Variants in SPTB observed in about 807,000 individuals in gnomAD.
SPTB encodes spectrin beta chain, erythrocytic.
Under a neutral mutation model 256.2 loss-of-function variants are expected in SPTB, and 45 were observed. The observed-to-expected ratio is 0.18, with a 90% CI of 0.14 to 0.23. The LOEUF (loss-of-function observed/expected upper bound fraction) is 0.23, where lower values mean the gene tolerates loss of function less well. Ranked by LOEUF, SPTB falls within the 10% of genes least tolerant of loss-of-function variation. The pLI, the probability that SPTB is intolerant of heterozygous loss-of-function variation, is 1.00. For synonymous variants in SPTB, 1,231 were observed against 1,243.1 expected (o/e 0.99, Z 0.21); for missense variants, 2,715 against 3,040.4 (o/e 0.89, Z 2.52).
chr14:64,765,835 T>TGG (rs1209941205), intron 32 of SPTB, among the ~76,000 whole-genome samples: 3 of 144,336 alleles, frequency 2.1e-5, no homozygotes, highest in Admixed American at 6.8e-5. Context: ...TGTGTGTGTG[T>TGG]GGGGGTGTGG....
intron 19 of SPTB, among the ~76,000 whole-genome samples, chr14:64,783,357 A>T (rs1391749572): frequency 6.6e-6 from 1 of 152,038 alleles, no homozygotes; most frequent in Non-Finnish European, 1.5e-5. Flanking sequence ...GTATGCCACC[A>T]TGCCCAGATA....
In SPTB at chr14:64,774,494, G is replaced by A; in HGVS notation, c.4876C>T (p.His1626Tyr). The A allele has an allele frequency of 6.4e-7, 1 of 1,555,258 alleles. No individual in the cohort carries two copies. Among genetic ancestry groups the A allele is most frequent in the Non-Finnish European group, 8.7e-7 (1 of 1,149,072 alleles). The change falls in exon 24 of 36, where the codon CAT becomes TAT. Residue 1626 changes from histidine to tyrosine, a missense_variant. Physicochemically the swap from His to Tyr is moderately conservative, Grantham distance 83. This residue lies in a region of SPTB where 2,239 missense variants were observed against 2,384.4 expected (regional missense o/e 0.94). Transcript: ENST00000644917. ...TCCACCGCACGCTGCTGCCGCAAAT[G>A]TCGCTTCAGCATCACAATGGCGCCC... is the stretch of plus-strand genomic sequence containing the variant. ...EEGAIVMLKR[H>Y]LRQQRAVEDY...
Position 64,866,312 on chromosome 14 carries a change from C to T in SPTB, c.-52+13480G>A, listed in dbSNP as rs1200620833. Among the ~76,000 whole-genome samples, 1 of 152,150 alleles carries T rather than the reference C, an allele frequency of 6.6e-6. No homozygotes were observed. Among genetic ancestry groups the T allele is most frequent in the Non-Finnish European group, 1.5e-5 (1 of 68,034 alleles). ...TGACTGTTGTCTGCTTATCGCTGGC[C>T]TCAGGACACCCGTAAGAGCTCAATG... is the stretch of plus-strand genomic sequence containing the variant. On this transcript the variant is annotated intron_variant, in intron 1 of 35. Transcript: ENST00000644917. The surrounding 1 kb of genome is among the most constrained non-coding windows in gnomAD (Gnocchi z 4.6).
rs1391267776 is a variant in SPTB, at chr14:64,841,669, C to G, written c.-51-18524G>C. Reference sequence around the variant, plus strand: ...ATAGGAAAGCATTGTGGGTAACGTTCCCAGGACAGACCAGTGGCAGAGTCA... The same window carrying G: ...ATAGGAAAGCATTGTGGGTAACGTTGCCAGGACAGACCAGTGGCAGAGTCA... On this transcript the variant is annotated intron_variant, in intron 1 of 35. Transcript: ENST00000644917. This position sits in a 1 kb window ranked among gnomAD's most constrained non-coding sequence, Gnocchi z 4.6. Among the ~76,000 whole-genome samples, 1 of 152,078 alleles carries G rather than the reference C, an allele frequency of 6.6e-6. No individual in the cohort carries two copies. The highest frequency in any genetic ancestry group is 6.5e-5 in the Admixed American group (1 of 15,272).
intron 9 of SPTB, among the ~76,000 whole-genome samples, chr14:64,799,452 T>TCA (rs1192161609): frequency 2.0e-5 from 3 of 152,210 alleles, no homozygotes; most frequent in Admixed American, 2.0e-4. Flanking sequence ...CCTGGGTTCT[T>TCA]CAAAGAGACT....
chr14:64,822,744 T>C (rs1482873606), intron 2 of SPTB, among the ~76,000 whole-genome samples: 1 of 152,158 alleles, frequency 6.6e-6, no homozygotes, highest in Non-Finnish European at 1.5e-5. Context: ...AGCACCTCCT[T>C]GCTTCTCAGA....
In SPTB at chr14:64,796,865, TA is replaced by T. The variant is rs2082780169; in HGVS notation, c.1183-151del. 2.9e-6 allele frequency: 3 copies of T among 1,026,220 alleles called. No individual in the cohort carries two copies. The highest frequency in any genetic ancestry group is 4.2e-6 in the Non-Finnish European group (3 of 710,174). The allele number at this position is 1,026,220 out of a possible 1,614,324, so 63.6% of individuals were successfully genotyped here. The stretch of plus-strand genomic sequence containing the variant: ...GACGTGGTAGCAGATTAAAGATCAA[TA>T]AAAGCCTTTGGCTTTCATGTCTGGG... On this transcript the variant is annotated intron_variant, in intron 10 of 35. Coordinates refer to ENST00000644917, the MANE Select transcript of SPTB (RefSeq NM_001355436.2). This position sits in a 1 kb window ranked among gnomAD's most constrained non-coding sequence, Gnocchi z 4.1.
At chr14:64,815,494 G>C (rs1462896784) in intron 2 of SPTB, among the ~76,000 whole-genome samples, 3 of 152,144 alleles carry the variant, frequency 2.0e-5, no homozygotes, top group Non-Finnish European at 1.5e-5. Context: ...GTGGGTGAAG[G>C]GTCATGGAGA....
rs2082654462 is a variant in SPTB at position 64,790,731 on chromosome 14, G to A, written c.2804+988C>T. ...GGCACAGGTGTGGGGAAGGGGCTGG[G>A]GTAATGGGGAGGTGGTGAACATGTG... On this transcript the variant is annotated intron_variant, in intron 15 of 35. Coordinates refer to ENST00000644917, the MANE Select transcript of SPTB (RefSeq NM_001355436.2). This position sits in a 1 kb window ranked among gnomAD's most constrained non-coding sequence, Gnocchi z 4.8. Among the ~76,000 whole-genome samples the A allele has an allele frequency of 6.6e-6, 1 of 152,242 alleles. No homozygotes were observed. The highest frequency in any genetic ancestry group is 6.5e-5 in the Admixed American group (1 of 15,286).
chr14:64,798,565 A>G (rs1301316991), intron 9 of SPTB, among the ~76,000 whole-genome samples: 1 of 152,224 alleles, frequency 6.6e-6, no homozygotes, highest in African/African-American at 2.4e-5. Flanking sequence ...AGCTATATGC[A>G]AGGTCCCCAC....
intron 2 of SPTB, among the ~76,000 whole-genome samples, chr14:64,811,633 C>A (rs1024670145): frequency 6.6e-6 from 1 of 152,196 alleles, no homozygotes; most frequent in Non-Finnish European, 1.5e-5. Context: ...CAACCCCCAA[C>A]ATAGATCAGC....
intron 33 of SPTB, among the ~76,000 whole-genome samples, chr14:64,751,053 T>C (rs1380330785): frequency 6.9e-6 from 1 of 143,932 alleles, no homozygotes; most frequent in Non-Finnish European, 1.5e-5. Flanking sequence ...TTATATATTA[T>C]ATAATATATA....
Position 64,800,888 on chromosome 14 carries a change from A to G in SPTB, c.764-20T>C, listed in dbSNP as rs1471411088. The G allele has an allele frequency of 1.9e-6, 3 of 1,591,366 alleles. No individual in the cohort carries two copies. The African/African-American group carries it at 4.0e-5, about 21-fold the overall frequency. On this transcript the variant is annotated intron_variant, in intron 7 of 35. Transcript: ENST00000644917. ...AGACATCTGTTAGGGAAAAGGGTGT[A>G]CTCTCAGGACCAAACTGGAAGTCGG...
In SPTB at chr14:64,794,911, G is replaced by C. The variant is rs115060402; in HGVS notation, c.1645-294C>G. ...TGTGTATTTTCACAAAGCTCCAGGG[G>C]CAGTCTGATGTGTGTCCTCAGCTGA... On this transcript the variant is annotated intron_variant, in intron 12 of 35. Transcript: ENST00000644917. 1.0e-2 allele frequency among the ~76,000 whole-genome samples: 1,519 copies of C among 152,366 alleles called. 24 individuals are homozygous for C. Among genetic ancestry groups the C allele is most frequent in the African/African-American group, 0.035 (1,456 of 41,576 alleles).
chr14:64,765,884 G>A (rs1370559674), intron 32 of SPTB, among the ~76,000 whole-genome samples: 6 of 148,264 alleles, frequency 4.0e-5, no homozygotes, highest in South Asian at 2.2e-4. Flanking sequence ...TGGAGGTTGC[G>A]GTGTGTGCAT....
intron 2 of SPTB, among the ~76,000 whole-genome samples, chr14:64,810,797 T>C (rs908181600): frequency 2.0e-5 from 3 of 150,810 alleles, no homozygotes. Flanking sequence ...AAATAAAAAA[T>C]TGAAAGTTCA....
chr14:64,870,579 T>C (rs1882469925), intron 1 of SPTB, among the ~76,000 whole-genome samples: 1 of 152,228 alleles, frequency 6.6e-6, no homozygotes, highest in Non-Finnish European at 1.5e-5. Context: ...TCAAGAACTT[T>C]GATGACGAAC....
intron 27 of SPTB, among the ~76,000 whole-genome samples, chr14:64,770,681 G>C (rs758811074): frequency 6.6e-6 from 1 of 152,214 alleles, no homozygotes; most frequent in South Asian, 2.1e-4. Context: ...CCTGACTCTG[G>C]AGCGATTGGT....
At position 64,770,972 on chromosome 14, in the gene SPTB, T is replaced by C. The variant is rs745394216; in HGVS notation, c.5711A>G (p.Asp1904Gly). The C allele has an allele frequency of 9.5e-5, 154 of 1,613,982 alleles. No individual in the cohort carries two copies. Among genetic ancestry groups the C allele is most frequent in the Non-Finnish European group, 1.2e-4 (141 of 1,180,022 alleles). ...GRRTQLVDTA[D>G]KFRFFSMARD... is the part of the protein sequence containing the mutation. Reference sequence around the variant, plus strand: ...GGCCATGCTGAAGAAGCGGAATTTATCCGCCGTGTCCACTAGCTGGGTCCG... The same window carrying C: ...GGCCATGCTGAAGAAGCGGAATTTACCCGCCGTGTCCACTAGCTGGGTCCG... Residue 1904 changes from aspartate (D) to glycine (G), a missense_variant, in exon 27 of 36, where the codon GAT (aspartate) becomes GGT (glycine). Asp to Gly is a moderately conservative substitution (Grantham distance 94, BLOSUM62 -1). Transcript: ENST00000644917.
Sources: gnomAD v4.1 joint callset for allele counts (sites outside exome capture counted in the v4.1 genomes callset) on GRCh38, gnomAD v4.1.1 for gene constraint, gnomAD v4.1.1 regional missense constraint, Gnocchi (gnomAD v3.1) non-coding constraint, MANE v1.5 for transcripts, NCBI Gene and HGNC (gene_info 2026-07-23, HGNC 2026-07-21) for gene names.